The following PHAX variants were observed in gnomAD, a reference collection of about 807,000 sequenced individuals.
PHAX encodes the protein phosphorylated adaptor for RNA export.
In PHAX, 31 loss-of-function variants were observed where a neutral mutation model predicts 41.6. That is an observed-to-expected ratio of 0.75 (90% CI 0.56 to 1.01). The LOEUF is 1.01. PHAX is among the 50% of genes least tolerant of loss of function. The pLI, the probability that PHAX is intolerant of heterozygous loss-of-function variation, is 0.00. For missense variants in PHAX, 453 were observed against 472.9 expected (o/e 0.96, Z 0.39); for synonymous variants, 175 against 164.9 (o/e 1.06, Z -0.47).
At chr5:126,602,011 A>C (rs575144227) in intron 1 of PHAX, among the ~76,000 whole-genome samples, 1 of 152,122 alleles carries the variant, frequency 6.6e-6, no homozygotes, top group East Asian at 1.9e-4. Context: ...AGATTTCTCC[A>C]TGTTGGTCAG....
intron 1 of PHAX, among the ~76,000 whole-genome samples, chr5:126,602,742 C>A (rs1188215620): frequency 6.6e-6 from 1 of 152,054 alleles, no homozygotes; most frequent in Admixed American, 6.6e-5. Flanking sequence ...CGGTGGCTCA[C>A]GCCTGTAATC....
At chr5:126,622,829 A>AT (rs1366064114) in intron 4 of PHAX, among the ~76,000 whole-genome samples, 1 of 152,056 alleles carries the variant, frequency 6.6e-6, no homozygotes, top group Non-Finnish European at 1.5e-5. Flanking sequence ...AGTATAATAG[A>AT]TTTTAAGAAC....
In PHAX at chr5:126,616,880, CAA is replaced by C. The variant is rs35808274; in HGVS notation, c.832-353_832-352del. On this transcript the variant is annotated intron_variant, in intron 3 of 4. Coordinates refer to ENST00000297540, the MANE Select transcript of PHAX (RefSeq NM_032177.4). ...TGAGCGAAAGAGTGAAACTCCATCT[CAA>C]AAAAAAAAAAAAAAAAGAATATTCA... is the stretch of plus-strand genomic sequence containing the variant. 3.1e-3 allele frequency among the ~76,000 whole-genome samples: 283 copies of C among 91,176 alleles called. 1 individual carries two copies. The highest frequency in any genetic ancestry group is 0.013 in the Middle Eastern group (2 of 154). 59.8% of individuals were successfully genotyped at this position (91,176 alleles called of 152,430 possible).
At position 126,603,567 on chromosome 5, in the gene PHAX, C is replaced by T. The variant is rs751742062; in HGVS notation, c.97-3C>T. The T allele has an allele frequency of 9.5e-6, 15 of 1,586,498 alleles. No homozygotes were observed. In the South Asian group the frequency reaches 1.6e-4, roughly 17 times the overall value. The stretch of plus-strand genomic sequence containing the variant: ...AATTGATTGTGTTTCTTTTCACTTG[C>T]AGAAAGTGCTAGGTGGCGACAGTGC... On this transcript the variant is annotated splice_region_variant and splice_polypyrimidine_tract_variant and intron_variant, in intron 1 of 4. Coordinates refer to ENST00000297540, the MANE Select transcript of PHAX (RefSeq NM_032177.4).
rs771613111 is a variant in PHAX at position 126,603,747 on chromosome 5, C to G, written c.274C>G (p.Pro92Ala). The G allele has an allele frequency of 5.0e-6, 8 of 1,614,008 alleles. No individual in the cohort carries two copies. The South Asian group carries it at 8.8e-5, about 18-fold the overall frequency. Reference sequence around the variant, plus strand: ...ACGACAGAAATGTTTTAACCCTCCTCCCAAACCAGAGCCTTTTCAGTTTGG... The same window carrying G: ...ACGACAGAAATGTTTTAACCCTCCTGCCAAACCAGAGCCTTTTCAGTTTGG... ...RKRQKCFNPP[P>A]KPEPFQFGQS... The change falls in exon 2 of 5, where the codon CCC becomes GCC. Residue 92 changes from proline to alanine, a missense_variant. Pro to Ala is a conservative substitution (Grantham distance 27). Coordinates refer to ENST00000297540, the MANE Select transcript of PHAX (RefSeq NM_032177.4).
chr5:126,617,960 C>T (rs1395071991), intron 4 of PHAX, among the ~76,000 whole-genome samples: 1 of 151,650 alleles, frequency 6.6e-6, no homozygotes, highest in African/African-American at 2.4e-5. Context: ...TCTTTTTTCC[C>T]CTTGAGACAG....
intron 3 of PHAX, among the ~76,000 whole-genome samples, chr5:126,612,502 C>G (rs1045010093): frequency 2.6e-5 from 4 of 152,030 alleles, no homozygotes; most frequent in African/African-American, 9.7e-5. Flanking sequence ...GAGTTGAGAC[C>G]AGCCTGACTA....
At chr5:126,621,391 T>C (rs1024121827) in intron 4 of PHAX, among the ~76,000 whole-genome samples, 7 of 152,172 alleles carry the variant, frequency 4.6e-5, no homozygotes, top group Middle Eastern at 3.4e-3. Flanking sequence ...GGGTCTTATA[T>C]TGCCCAGTCT....
At chr5:126,607,479 ACCTCTG>A (rs1448954724) in intron 2 of PHAX, among the ~76,000 whole-genome samples, 1 of 144,084 alleles carries the variant, frequency 6.9e-6, no homozygotes, top group African/African-American at 2.7e-5. Context: ...GCTCACTGCA[ACCTCTG>A]CCTCAGCCTC....
At chr5:126,619,064 C>T (rs532958779) in intron 4 of PHAX, among the ~76,000 whole-genome samples, 1 of 152,218 alleles carries the variant, frequency 6.6e-6, no homozygotes, top group Non-Finnish European at 1.5e-5. Flanking sequence ...GTAGCTGGGA[C>T]AACAGACATG....
chr5:126,622,004 G>A lies in PHAX; in HGVS notation c.916-2571G>A, dbSNP rs536186786. 5.3e-5 allele frequency among the ~76,000 whole-genome samples: 8 copies of A among 152,206 alleles called. No individual in the cohort carries two copies. The South Asian group carries it at 1.7e-3, about 32-fold the overall frequency. ...TTTTGAGACGGAGTCTCCTAGCTCT[G>A]TTGCCCAGGCTGGAGTGCAGTGGTG... On this transcript the variant is annotated intron_variant, in intron 4 of 4. Transcript: ENST00000297540.
chr5:126,604,364 A>G (rs1236421450), intron 2 of PHAX, among the ~76,000 whole-genome samples, 181 bp downstream of exon 2: 2 of 140,518 alleles, frequency 1.4e-5, no homozygotes, highest in Non-Finnish European at 3.0e-5. Context: ...CTCCTCGCTC[A>G]AGGGATTCTC....
intron 3 of PHAX, among the ~76,000 whole-genome samples, chr5:126,609,803 G>A (rs534159375): frequency 6.6e-6 from 1 of 151,652 alleles, no homozygotes; most frequent in Non-Finnish European, 1.5e-5. Flanking sequence ...GCAGTGGCAC[G>A]ATCTCAGCTC....
In PHAX at chr5:126,624,746, G is replaced by T; in HGVS notation, c.1087G>T (p.Ala363Ser). 1 of 1,614,170 alleles carries T rather than the reference G, an allele frequency of 6.2e-7. No individual in the cohort carries two copies. The highest frequency in any genetic ancestry group is 8.5e-7 in the Non-Finnish European group (1 of 1,180,014). Residue 363 changes from alanine to serine, a missense_variant, in exon 5 of 5, where the codon GCC becomes TCC. Physicochemically the swap from Ala to Ser is moderately conservative, Grantham distance 99 (BLOSUM62 1). Transcript: ENST00000297540. The stretch of plus-strand genomic sequence containing the variant: ...TGCAAGTGACACGAATGAGGCCTTG[G>T]CCTCTCTTGATGAGTCACAGGAAGG... ...TFASDTNEAL[A>S]SLDESQEGHA...
At chr5:126,607,682 T>C (rs10055686) in intron 2 of PHAX, among the ~76,000 whole-genome samples, 50,673 of 151,964 alleles carry the variant, frequency 0.33, 11,371 homozygotes, top group African/African-American at 0.63. Flanking sequence ...GGATTATAGG[T>C]GTGAGCCACC....
chr5:126,619,135 C>A (rs1477747891), intron 4 of PHAX, among the ~76,000 whole-genome samples: 2 of 152,146 alleles, frequency 1.3e-5, no homozygotes, highest in African/African-American at 4.8e-5. Flanking sequence ...CCATGTTGGC[C>A]AGGCTGGTCT....
At position 126,601,396 on chromosome 5, in the gene PHAX, C is replaced by T. The variant is rs565803303; in HGVS notation, c.96+338C>T. On this transcript the variant is annotated intron_variant, in intron 1 of 4. Coordinates refer to ENST00000297540, the MANE Select transcript of PHAX (RefSeq NM_032177.4). ...TTGCGGCGGCCTCTTAGACGTCTCACCTCCGCCTACCGCTCTTTCTTTTCT... is the reference window on the plus strand; with the variant it reads ...TTGCGGCGGCCTCTTAGACGTCTCATCTCCGCCTACCGCTCTTTCTTTTCT... Among the ~76,000 whole-genome samples the T allele has an allele frequency of 2.6e-5, 4 of 152,328 alleles. No individual in the cohort carries two copies. The South Asian group carries it at 6.2e-4, about 24-fold the overall frequency.
intron 3 of PHAX, 139 bp downstream of exon 3, chr5:126,608,623 T>C: frequency 1.5e-6 from 1 of 685,782 alleles, no homozygotes; most frequent in South Asian, 1.9e-5. Flanking sequence ...TAAACTATTA[T>C]CAACAATGAA....
chr5:126,604,585 A>T (rs1429276604), intron 2 of PHAX, among the ~76,000 whole-genome samples: 1 of 150,698 alleles, frequency 6.6e-6, no homozygotes, highest in Non-Finnish European at 1.5e-5. Flanking sequence ...TTATTTATTT[A>T]TTTGAGAAAG....
Sources: allele counts gnomAD v4.1 joint callset (sites outside exome capture counted in the v4.1 genomes callset), GRCh38; gene constraint gnomAD v4.1.1; transcripts MANE v1.5; gene names NCBI Gene and HGNC (gene_info 2026-07-23, HGNC 2026-07-21).